Variants in UHMK1 observed in about 807,000 individuals in gnomAD.
UHMK1 encodes the protein U2AF homology motif kinase 1.
UHMK1 carries 18 observed loss-of-function variants against 44.0 expected under a neutral mutation model. The ratio of observed to expected loss-of-function variants is 0.41; its 90% CI spans 0.28 to 0.61. UHMK1 has a LOEUF of 0.61. Ranked by LOEUF, UHMK1 falls within the 20% of genes least tolerant of loss-of-function variation. UHMK1 has a pLI of 0.31. For missense variants in UHMK1, 463 were observed against 522.5 expected (o/e 0.89, Z 1.11); for synonymous variants, 231 against 198.5 (o/e 1.16, Z -1.38).
At chr1:162,504,489 A>G (rs1054046108) in intron 4 of UHMK1, among the ~76,000 whole-genome samples, 9 of 152,344 alleles carry the variant, frequency 5.9e-5, no homozygotes, top group African/African-American at 2.2e-4. Context: ...CTCTTAGGCT[A>G]CAACCTATAT....
chr1:162,502,388 T>G (rs1163456119), intron 3 of UHMK1, among the ~76,000 whole-genome samples: 1 of 152,232 alleles, frequency 6.6e-6, no homozygotes, highest in East Asian at 1.9e-4. Context: ...AATAGCCCAA[T>G]GTATGTACCT....
chr1:162,512,643 T>G lies in UHMK1; in HGVS notation c.925+67T>G, dbSNP rs995660592. 6 of 1,602,068 alleles carry G rather than the reference T, an allele frequency of 3.7e-6. No homozygotes were observed. In the Admixed American group the frequency reaches 1.0e-4, roughly 27 times the overall value. ...AGTCATACAAGACATCAGCACTAAT[T>G]TATATTCACAAGTTCCTTTATCTGG... On this transcript the variant is annotated intron_variant, in intron 5 of 7. Transcript: ENST00000489294.
chr1:162,521,935 C>T (rs1165891136), intron 7 of UHMK1, among the ~76,000 whole-genome samples: 1 of 152,166 alleles, frequency 6.6e-6, no homozygotes, highest in African/African-American at 2.4e-5. Context: ...CCAAATTGTA[C>T]TTCCTAATAG....
At chr1:162,505,631 G>A (rs904176156) in intron 4 of UHMK1, among the ~76,000 whole-genome samples, 3 of 152,126 alleles carry the variant, frequency 2.0e-5, no homozygotes, top group Admixed American at 6.6e-5. Context: ...TTATGAGATC[G>A]CTGTCATATA....
At chr1:162,501,181 T>C in intron 3 of UHMK1, 77 bp downstream of exon 3, 10 of 1,436,740 alleles carry the variant, frequency 7.0e-6, no homozygotes, top group Non-Finnish European at 9.4e-6. Flanking sequence ...ATTTTTTTTT[T>C]TCTTTTGAGA....
chr1:162,507,694 C>T (rs1310849085), intron 4 of UHMK1, among the ~76,000 whole-genome samples: 1 of 149,954 alleles, frequency 6.7e-6, no homozygotes, highest in Non-Finnish European at 1.5e-5. Context: ...TCACGCCATT[C>T]TCCTACCTCA....
chr1:162,516,673 A>T (rs983738836), intron 6 of UHMK1, among the ~76,000 whole-genome samples: 3 of 152,106 alleles, frequency 2.0e-5, no homozygotes, highest in Non-Finnish European at 4.4e-5. Flanking sequence ...TTAAAGAAAA[A>T]ATATTTATAG....
intron 6 of UHMK1, among the ~76,000 whole-genome samples, chr1:162,516,559 C>CT (rs1651840983): frequency 6.6e-6 from 1 of 152,090 alleles, no homozygotes; most frequent in African/African-American, 2.4e-5. Flanking sequence ...TTGGAAAGGC[C>CT]TTTTTTGAAT....
intron 6 of UHMK1, among the ~76,000 whole-genome samples, chr1:162,514,929 G>C (rs1651782940): frequency 6.6e-6 from 1 of 152,158 alleles, no homozygotes. Context: ...TTCCTGCATA[G>C]TAACCAAATG....
intron 4 of UHMK1, among the ~76,000 whole-genome samples, chr1:162,508,721 T>A (rs1571010091): frequency 6.6e-6 from 1 of 151,966 alleles, no homozygotes. Context: ...AAAAGTAGAT[T>A]ATAATGGTCA....
rs1398894198 is a variant in UHMK1, at chr1:162,522,568, G to C, written c.*18G>C. 6.2e-7 allele frequency: 1 copy of C among 1,604,710 alleles called. No homozygotes were observed. Among genetic ancestry groups the C allele is most frequent in the Non-Finnish European group, 8.5e-7 (1 of 1,175,946 alleles). On this transcript the variant is annotated 3_prime_UTR_variant, in exon 8 of 8. Coordinates refer to ENST00000489294, the MANE Select transcript of UHMK1 (RefSeq NM_175866.5). ...TGCTTTAATCAGTAACCTAAGGACT[G>C]TTTCCTTTTTCTCCTCTTCCATTTC...
At chr1:162,509,654 G>A (rs1252981007) in intron 4 of UHMK1, among the ~76,000 whole-genome samples, 2 of 152,038 alleles carry the variant, frequency 1.3e-5, no homozygotes, top group Non-Finnish European at 2.9e-5. Context: ...TCGTATGTGT[G>A]TGTGTATGAT....
chr1:162,499,595 A>G (rs1034634947), intron 1 of UHMK1, among the ~76,000 whole-genome samples: 3 of 152,170 alleles, frequency 2.0e-5, no homozygotes, highest in Admixed American at 6.5e-5. Context: ...AAAGGACCTC[A>G]TGATGCAACA....
chr1:162,504,094 G>A (rs529954731), intron 4 of UHMK1, among the ~76,000 whole-genome samples: 31 of 152,184 alleles, frequency 2.0e-4, no homozygotes, highest in Admixed American at 7.9e-4. Context: ...TCATAGCCCT[G>A]GCAGTTCTGG....
At chr1:162,509,887 C>T (rs1013738086) in intron 4 of UHMK1, among the ~76,000 whole-genome samples, 1 of 151,950 alleles carries the variant, frequency 6.6e-6, no homozygotes, top group African/African-American at 2.4e-5. Context: ...TGAAGTGGTC[C>T]ACCCACCTCT....
Position 162,525,717 on chromosome 1 carries a change from G to A in UHMK1, c.*3167G>A, listed in dbSNP as rs1296571383. 4 of 151,838 alleles carry A rather than the reference G, an allele frequency of 2.6e-5. No homozygotes were observed. Among genetic ancestry groups the A allele is most frequent in the Non-Finnish European group, 5.9e-5 (4 of 67,902 alleles). The allele number at this position is 151,838 out of a possible 1,614,324, so 9.4% of individuals were successfully genotyped here. On this transcript the variant is annotated 3_prime_UTR_variant, in exon 8 of 8. Coordinates refer to ENST00000489294, the MANE Select transcript of UHMK1 (RefSeq NM_175866.5). ...TTACCACTGGATGTCTTCCTTTTTT[G>A]TGGCCACCAATATAGCAGCTCTCTT...
intron 2 of UHMK1, 22 bp downstream of exon 2, chr1:162,500,269 T>G: frequency 1.1e-5 from 17 of 1,594,776 alleles, no homozygotes; most frequent in Non-Finnish European, 1.5e-5. Context: ...CCTTTTCTTT[T>G]CTCTCGCAGT....
At chr1:162,511,244 G>A (rs1017015655) in intron 4 of UHMK1, among the ~76,000 whole-genome samples, 5 of 137,200 alleles carry the variant, frequency 3.6e-5, no homozygotes. Context: ...AGGTTGTAGT[G>A]CAGTGGTGTA....
chr1:162,521,458 G>T (rs1199354767), intron 7 of UHMK1, among the ~76,000 whole-genome samples: 1 of 151,906 alleles, frequency 6.6e-6, no homozygotes, highest in Non-Finnish European at 1.5e-5. Flanking sequence ...CCTTTTTGGG[G>T]TGGGGTCAGG....
Sources: gnomAD v4.1 joint callset for allele counts (sites outside exome capture counted in the v4.1 genomes callset) on GRCh38, gnomAD v4.1.1 for gene constraint, MANE v1.5 for transcripts, NCBI Gene and HGNC (gene_info 2026-07-23, HGNC 2026-07-21) for gene names.